XRCC4: variants seen among roughly 807,000 people sequenced by gnomAD.
XRCC4 encodes the protein DNA repair protein XRCC4.
A neutral mutation model predicts 39.1 loss-of-function variants in XRCC4; 28 were observed. That is an observed-to-expected ratio of 0.72 (90% CI 0.53 to 0.98). The LOEUF (loss-of-function observed/expected upper bound fraction) is 0.98. XRCC4 is among the 50% of genes least tolerant of loss of function. XRCC4 has a pLI of 0.00. For synonymous variants in XRCC4, 123 were observed against 126.4 expected (o/e 0.97, Z 0.18); for missense variants, 350 against 376.4 (o/e 0.93, Z 0.58).
chr5:83,332,654 G>A (rs1388256903), intron 7 of XRCC4, among the ~76,000 whole-genome samples: 7 of 152,128 alleles, frequency 4.6e-5, no homozygotes, highest in Non-Finnish European at 7.3e-5. Context: ...GACAGGTAAC[G>A]CCTAAAACTT....
intron 7 of XRCC4, among the ~76,000 whole-genome samples, chr5:83,348,358 C>G (rs898507773): frequency 6.6e-6 from 1 of 152,278 alleles, no homozygotes; most frequent in Admixed American, 6.5e-5. Context: ...CATACATCCA[C>G]TGAAACCTAG....
At chr5:83,318,267 T>C (rs1755946692) in intron 7 of XRCC4, among the ~76,000 whole-genome samples, 1 of 126,766 alleles carries the variant, frequency 7.9e-6, no homozygotes, top group Non-Finnish European at 1.5e-5. Flanking sequence ...GGGCAAAAAC[T>C]GGAAGCATTC....
intron 3 of XRCC4, among the ~76,000 whole-genome samples, chr5:83,143,481 A>C (rs1472885078): frequency 6.6e-6 from 1 of 152,166 alleles, no homozygotes; most frequent in African/African-American, 2.4e-5. Flanking sequence ...ATAACTGTTA[A>C]AAGCAACATT....
intron 6 of XRCC4, among the ~76,000 whole-genome samples, chr5:83,205,759 G>A (rs918902330): frequency 2.0e-5 from 3 of 152,072 alleles, no homozygotes; most frequent in Non-Finnish European, 4.4e-5. Context: ...ATGTTAGGTT[G>A]ATAAGTGCTA....
At chr5:83,244,956 CTAA>C (rs1403944713) in intron 6 of XRCC4, among the ~76,000 whole-genome samples, 1 of 152,118 alleles carries the variant, frequency 6.6e-6, no homozygotes, top group Non-Finnish European at 1.5e-5. Flanking sequence ...ATATTTCATA[CTAA>C]TAATACTGCT....
At chr5:83,355,622 T>A (rs73140258), downstream of XRCC4, among the ~76,000 whole-genome samples, 5,161 of 152,302 alleles carry the variant, frequency 0.034, 150 homozygotes, top group East Asian at 0.12. Context: ...TAGGTATATA[T>A]ATGCATGCAC....
rs553236041 is a variant in XRCC4 at position 83,189,083 on chromosome 5, TC to T, written c.316-6685del. Among the ~76,000 whole-genome samples the T allele has an allele frequency of 3.9e-5, 6 of 152,276 alleles. No homozygotes were observed. In the East Asian group the frequency reaches 9.6e-4, roughly 24 times the overall value. ...AGGGAAAGTCTTCTAGCTGGTTGAG[TC>T]CATATACAATATAATGTTTCATTTT... On this transcript the variant is annotated intron_variant, in intron 3 of 7. Coordinates refer to ENST00000396027, the MANE Select transcript of XRCC4 (RefSeq NM_003401.5).
chr5:83,337,673 G>A (rs140567226), intron 7 of XRCC4, among the ~76,000 whole-genome samples: 7 of 152,222 alleles, frequency 4.6e-5, no homozygotes, highest in East Asian at 1.9e-4. Context: ...AGCCATCCAC[G>A]CTGTGTCCTG....
At chr5:83,300,675 C>T (rs1265468648) in intron 7 of XRCC4, among the ~76,000 whole-genome samples, 1 of 150,752 alleles carries the variant, frequency 6.6e-6, no homozygotes, top group Non-Finnish European at 1.5e-5. Flanking sequence ...TGGTTTGCTG[C>T]ACCCATCAAC....
intron 7 of XRCC4, among the ~76,000 whole-genome samples, chr5:83,295,794 C>T (rs575338048): frequency 6.6e-6 from 1 of 152,112 alleles, no homozygotes; most frequent in Non-Finnish European, 1.5e-5. Flanking sequence ...CCAGATCATG[C>T]AGAGCCTGGA....
At chr5:83,308,701 C>T (rs1755574975) in intron 7 of XRCC4, among the ~76,000 whole-genome samples, 1 of 152,010 alleles carries the variant, frequency 6.6e-6, no homozygotes, top group African/African-American at 2.4e-5. Flanking sequence ...ATTAAAATAA[C>T]AGTGAATATA....
intron 6 of XRCC4, among the ~76,000 whole-genome samples, chr5:83,231,290 A>C (rs755346568): frequency 2.6e-5 from 4 of 152,050 alleles, no homozygotes; most frequent in Non-Finnish European, 5.9e-5. Flanking sequence ...AGGAATTTAA[A>C]GATCCCAGAG....
chr5:83,153,851 A>G (rs1226948888), intron 3 of XRCC4, among the ~76,000 whole-genome samples: 1 of 152,140 alleles, frequency 6.6e-6, no homozygotes, highest in Non-Finnish European at 1.5e-5. Context: ...TTAATTTCTT[A>G]TTTCTACCTA....
chr5:83,262,855 T>TG (rs1461406570), intron 7 of XRCC4, among the ~76,000 whole-genome samples: 1 of 148,652 alleles, frequency 6.7e-6, no homozygotes. Context: ...TTTTTTTTTT[T>TG]TTTATACTTT....
chr5:83,234,245 G>A (rs1752605938), intron 6 of XRCC4, among the ~76,000 whole-genome samples: 1 of 152,074 alleles, frequency 6.6e-6, no homozygotes, highest in African/African-American at 2.4e-5. Flanking sequence ...ATATTCCTAA[G>A]TTTTCCTCCA....
chr5:83,156,581 T>A (rs1748976116), intron 3 of XRCC4, among the ~76,000 whole-genome samples: 1 of 152,134 alleles, frequency 6.6e-6, no homozygotes, highest in East Asian at 1.9e-4. Context: ...GAGCTATCCC[T>A]TCTTGGCCGA....
chr5:83,222,500 C>T (rs1397476198), intron 6 of XRCC4, among the ~76,000 whole-genome samples: 1 of 152,090 alleles, frequency 6.6e-6, no homozygotes, highest in African/African-American at 2.4e-5. Context: ...TTACCTTGTG[C>T]ATTATCCCTT....
At chr5:83,098,854 A>G (rs1190545142) in intron 1 of XRCC4, among the ~76,000 whole-genome samples, 3 of 152,124 alleles carry the variant, frequency 2.0e-5, no homozygotes, top group Non-Finnish European at 4.4e-5. Flanking sequence ...AACAAGAAAT[A>G]ATCCTTTTCT....
At chr5:83,195,550 C>A (rs1466359572) in intron 3 of XRCC4, among the ~76,000 whole-genome samples, 1 of 152,076 alleles carries the variant, frequency 6.6e-6, no homozygotes, top group Non-Finnish European at 1.5e-5. Context: ...TTACCACTTA[C>A]AAAAATTATT....
Sources: gnomAD v4.1 joint callset for allele counts (sites outside exome capture counted in the v4.1 genomes callset) on GRCh38, gnomAD v4.1.1 for gene constraint, MANE v1.5 for transcripts, NCBI Gene and HGNC (gene_info 2026-07-23, HGNC 2026-07-21) for gene names.